ENTREP2: variants seen among roughly 807,000 people sequenced by gnomAD.
ENTREP2 encodes the protein protein ENTREP2.
At chr15:29,472,847 A>G in the ENTREP2 span, among the ~76,000 whole-genome samples, 1 of 152,194 alleles carries the variant, frequency 6.6e-6, no homozygotes, top group Non-Finnish European at 1.5e-5. Context: ...CCTTTTATCC[A>G]TTTTTTAAAG....
the ENTREP2 span, among the ~76,000 whole-genome samples, chr15:29,579,104 T>C: frequency 6.6e-6 from 1 of 152,250 alleles, no homozygotes; most frequent in South Asian, 2.1e-4. Context: ...CTCATGAGAT[T>C]TGATAATTCT....
the ENTREP2 span, among the ~76,000 whole-genome samples, chr15:29,620,738 A>T: frequency 6.6e-6 from 1 of 152,092 alleles, no homozygotes; most frequent in Non-Finnish European, 1.5e-5. Flanking sequence ...GAGTTCATGG[A>T]AACTGCCTGG....
At chr15:29,364,496 G>A in the ENTREP2 span, among the ~76,000 whole-genome samples, 1,621 of 152,280 alleles carry the variant, frequency 0.011, 44 homozygotes, top group African/African-American at 0.037. Flanking sequence ...AGAAATGGTC[G>A]GATTTCTCTG....
At chr15:29,315,331 A>C in the ENTREP2 span, among the ~76,000 whole-genome samples, 1 of 152,214 alleles carries the variant, frequency 6.6e-6, no homozygotes, top group African/African-American at 2.4e-5. Context: ...CAGATATTAA[A>C]ATGTATTTAA....
the ENTREP2 span, among the ~76,000 whole-genome samples, chr15:29,646,878 C>T: frequency 9.2e-5 from 14 of 152,158 alleles, no homozygotes; most frequent in African/African-American, 3.4e-4. Context: ...ATAAAACAAT[C>T]ACTCACTCAG....
At chr15:29,402,664 A>G in the ENTREP2 span, among the ~76,000 whole-genome samples, 2 of 152,170 alleles carry the variant, frequency 1.3e-5, no homozygotes, top group African/African-American at 2.4e-5. Context: ...AAAGAAGAAG[A>G]AGGAAAAGCA....
chr15:29,354,175 C>A, the ENTREP2 span, among the ~76,000 whole-genome samples: 2 of 152,308 alleles, frequency 1.3e-5, no homozygotes, highest in African/African-American at 4.8e-5. Context: ...TGAGCTGGAA[C>A]ATCCATCTTC....
the ENTREP2 span, among the ~76,000 whole-genome samples, chr15:29,128,270 C>G: frequency 5.4e-3 from 817 of 152,274 alleles, 4 homozygotes; most frequent in Middle Eastern, 0.027. Flanking sequence ...CCACCTCCCC[C>G]GCCCCGGCTC....
chr15:29,444,761 G>A, the ENTREP2 span, among the ~76,000 whole-genome samples: 1 of 152,126 alleles, frequency 6.6e-6, no homozygotes, highest in Admixed American at 6.5e-5. Context: ...CATCACACCT[G>A]GCCGGCAGAT....
the ENTREP2 span, among the ~76,000 whole-genome samples, chr15:29,303,709 A>G: frequency 1.4e-5 from 2 of 145,608 alleles, no homozygotes; most frequent in Admixed American, 1.4e-4. Flanking sequence ...TGTGTACCCA[A>G]TGTTTAGCTC....
At chr15:29,478,977 G>A in the ENTREP2 span, among the ~76,000 whole-genome samples, 6 of 147,522 alleles carry the variant, frequency 4.1e-5, no homozygotes, top group East Asian at 4.0e-4. Context: ...GGTGGATCAC[G>A]AGGTCAGGAG....
the ENTREP2 span, among the ~76,000 whole-genome samples, chr15:29,511,344 CTT>C: frequency 7.3e-5 from 10 of 136,802 alleles, no homozygotes; most frequent in East Asian, 2.0e-4. Context: ...TTTTTCTTTT[CTT>C]TTTTTTTTTT....
chr15:29,472,794 T>C, the ENTREP2 span, among the ~76,000 whole-genome samples: 3 of 152,200 alleles, frequency 2.0e-5, no homozygotes, highest in African/African-American at 7.2e-5. Flanking sequence ...AGTTATTTTA[T>C]AAATTAGTGT....
At chr15:29,119,881 G>A in the ENTREP2 span, among the ~76,000 whole-genome samples, 7 of 152,296 alleles carry the variant, frequency 4.6e-5, no homozygotes, top group East Asian at 1.4e-3. Flanking sequence ...GTCCCGGGGA[G>A]AGAGCCCTGG....
At chr15:29,430,345 G>A in the ENTREP2 span, among the ~76,000 whole-genome samples, 1 of 152,174 alleles carries the variant, frequency 6.6e-6, no homozygotes, top group Non-Finnish European at 1.5e-5. Flanking sequence ...ATCTCTGTAT[G>A]AAATGGTTTC....
At chr15:29,281,578 C>T in the ENTREP2 span, among the ~76,000 whole-genome samples, 3 of 152,356 alleles carry the variant, frequency 2.0e-5, no homozygotes, top group Admixed American at 2.0e-4. Flanking sequence ...CACATCAACA[C>T]ATCGAAACTG....
chr15:29,644,596 AGT>A, the ENTREP2 span, among the ~76,000 whole-genome samples: 1 of 152,178 alleles, frequency 6.6e-6, no homozygotes, highest in East Asian at 1.9e-4. Context: ...TGAGCTCAGG[AGT>A]TTAAGACCAG....
chr15:29,171,689 C>T, the ENTREP2 span, among the ~76,000 whole-genome samples: 1 of 152,094 alleles, frequency 6.6e-6, no homozygotes, highest in Non-Finnish European at 1.5e-5. Flanking sequence ...CTCAAGTACT[C>T]CAACTAAATC....
At chr15:29,430,212 C>T in the ENTREP2 span, among the ~76,000 whole-genome samples, 2 of 152,148 alleles carry the variant, frequency 1.3e-5, no homozygotes, top group African/African-American at 4.8e-5. Context: ...CCATGGCTGG[C>T]TCCACTCATC....
Sources: allele counts gnomAD v4.1 joint callset (sites outside exome capture counted in the v4.1 genomes callset), GRCh38; gene constraint gnomAD v4.1.1; transcripts MANE v1.5; gene names NCBI Gene and HGNC (gene_info 2026-07-23, HGNC 2026-07-21).